MLXIP: variants seen among roughly 807,000 people sequenced by gnomAD.
MLXIP encodes MLX interacting protein, also known as MLX-interacting protein.
A neutral mutation model predicts 87.2 loss-of-function variants in MLXIP; 30 were observed. The observed-to-expected ratio is 0.34, with a 90% CI of 0.26 to 0.47. MLXIP has a LOEUF of 0.47. MLXIP is among the 20% of genes least tolerant of loss of function. MLXIP has a pLI of 1.00. For missense variants in MLXIP, 1,002 were observed against 1,240.1 expected (o/e 0.81, Z 2.88); for synonymous variants, 530 against 514.0 (o/e 1.03, Z -0.42).
intron 1 of MLXIP, among the ~76,000 whole-genome samples, chr12:122,124,796 C>T (rs529925241): frequency 2.6e-5 from 4 of 151,966 alleles, no homozygotes; most frequent in African/African-American, 4.8e-5. Context: ...TTTTGGAGGC[C>T]GAGGTGGGAG....
chr12:122,142,281 G>A lies in MLXIP; in HGVS notation c.*469G>A, dbSNP rs1256278341. 1 of 691,572 alleles carries A rather than the reference G, an allele frequency of 1.4e-6. No homozygotes were observed. The highest frequency in any genetic ancestry group is 2.6e-6 in the Non-Finnish European group (1 of 378,406). 42.8% of individuals were successfully genotyped at this position (691,572 alleles called of 1,614,324 possible). A position where few individuals can be genotyped will look rare whatever the true frequency, so the allele number is the denominator to read the frequency against. On this transcript the variant is annotated 3_prime_UTR_variant, in exon 17 of 17. Transcript: ENST00000319080. Reference sequence around the variant, plus strand: ...GCTCCACTCTCTGGTCTGCCCGTGGGGCAGTTGGAAGGCGTCTTTCTTTCT... The same window carrying A: ...GCTCCACTCTCTGGTCTGCCCGTGGAGCAGTTGGAAGGCGTCTTTCTTTCT...
chr12:122,093,348 G>A (rs1299681985), intron 1 of MLXIP, among the ~76,000 whole-genome samples: 1 of 147,650 alleles, frequency 6.8e-6, no homozygotes, highest in Admixed American at 6.7e-5. Flanking sequence ...TGTGTATTGT[G>A]TGTGTTGGTG....
chr12:122,134,207 T>TG, intron 9 of MLXIP: 1 of 586,814 alleles, frequency 1.7e-6, no homozygotes, highest in Non-Finnish European at 2.7e-6. Flanking sequence ...TTTGTTTGGT[T>TG]TTTTTTTTTT....
intron 1 of MLXIP, among the ~76,000 whole-genome samples, chr12:122,121,735 T>C (rs2135959410): frequency 6.6e-6 from 1 of 152,292 alleles, no homozygotes; most frequent in Admixed American, 6.5e-5. Context: ...TGCAATTTAA[T>C]TTCCTTCCAT....
chr12:122,127,487 A>G lies in MLXIP; in HGVS notation c.520+125A>G, dbSNP rs1038196390. The stretch of plus-strand genomic sequence containing the variant: ...TCTAACAGAAGTTCAGTCTGTGCAG[A>G]CAGGAAACCCAAGCCATCAGGCCCA... On this transcript the variant is annotated intron_variant, in intron 2 of 16. Coordinates refer to ENST00000319080, the MANE Select transcript of MLXIP (RefSeq NM_014938.6). 1.4e-5 allele frequency: 10 copies of G among 699,994 alleles called. No homozygotes were observed. The African/African-American group carries it at 1.8e-4, about 13-fold the overall frequency. The allele number at this position is 699,994 out of a possible 1,614,324, so 43.4% of individuals were successfully genotyped here.
At position 122,146,246 on chromosome 12, in the gene MLXIP, CAG is replaced by C. The variant is rs1449510039; in HGVS notation, c.*4435_*4436del. On this transcript the variant is annotated 3_prime_UTR_variant, in exon 17 of 17. Transcript: ENST00000319080. The stretch of plus-strand genomic sequence containing the variant: ...ATTTTTACCTTGTCTGCACACTTGT[CAG>C]GGGAGAGGGGACAGCAAGGTGGGAG... The C allele has an allele frequency of 1.3e-5, 2 of 152,350 alleles. No individual in the cohort carries two copies. Among genetic ancestry groups the C allele is most frequent in the African/African-American group, 4.8e-5 (2 of 41,448 alleles). The allele number at this position is 152,350 out of a possible 1,614,324, so 9.4% of individuals were successfully genotyped here.
intron 1 of MLXIP, among the ~76,000 whole-genome samples, chr12:122,107,412 C>T (rs1325293867): frequency 6.6e-6 from 1 of 152,194 alleles, no homozygotes; most frequent in Non-Finnish European, 1.5e-5. Context: ...CGTTCCCCCT[C>T]TTCCCATCCA....
chr12:122,119,811 G>A (rs1233292138), intron 1 of MLXIP, among the ~76,000 whole-genome samples: 2 of 152,242 alleles, frequency 1.3e-5, no homozygotes, highest in Non-Finnish European at 2.9e-5. Context: ...CATGTGAGGT[G>A]GATCTGTCGA....
intron 3 of MLXIP, 52 bp downstream of exon 3, chr12:122,128,020 A>G: frequency 6.7e-7 from 1 of 1,496,414 alleles, no homozygotes; most frequent in Non-Finnish European, 9.3e-7. Context: ...CCAGCACCTC[A>G]CCGGGAGTGG....
intron 11 of MLXIP, chr12:122,136,651 G>C (rs1256134807): frequency 6.6e-6 from 1 of 152,106 alleles, no homozygotes; most frequent in Admixed American, 6.6e-5. Flanking sequence ...GCATGGTGTA[G>C]CTGCTCCTGG....
chr12:122,111,247 G>A (rs1399653636), intron 1 of MLXIP, among the ~76,000 whole-genome samples: 2 of 152,050 alleles, frequency 1.3e-5, no homozygotes, highest in Non-Finnish European at 2.9e-5. Context: ...TTTGTTTTTT[G>A]TCAGTCTTCA....
intron 1 of MLXIP, among the ~76,000 whole-genome samples, chr12:122,113,786 G>A (rs1952642635): frequency 6.7e-6 from 1 of 148,768 alleles, no homozygotes; most frequent in Non-Finnish European, 1.5e-5. Flanking sequence ...CCAGGTTCAT[G>A]CCATTCTCCT....
At chr12:122,141,596 TG>T in intron 16 of MLXIP, 94 bp from the exon 17 acceptor site, 1 of 1,544,706 alleles carries the variant, frequency 6.5e-7, no homozygotes. Flanking sequence ...GCCCCGTGCC[TG>T]AGCATTCCCA....
intron 1 of MLXIP, among the ~76,000 whole-genome samples, chr12:122,091,369 A>G (rs1952242755): frequency 6.6e-6 from 1 of 152,058 alleles, no homozygotes; most frequent in Non-Finnish European, 1.5e-5. Context: ...CTTGCACCAG[A>G]GCTTGCCAAA....
chr12:122,082,986 A>G (rs186399434), intron 1 of MLXIP, among the ~76,000 whole-genome samples: 1 of 152,070 alleles, frequency 6.6e-6, no homozygotes, highest in Non-Finnish European at 1.5e-5. Flanking sequence ...ATGCCTGGCT[A>G]ATTTTTTATT....
Position 122,089,431 on chromosome 12 carries a change from G to A in MLXIP, c.413+10165G>A, listed in dbSNP as rs762307763. Among the ~76,000 whole-genome samples the A allele has an allele frequency of 1.5e-3, 221 of 152,308 alleles. 1 individual carries two copies. Among genetic ancestry groups the A allele is most frequent in the Non-Finnish European group, 2.6e-3 (179 of 68,028 alleles). On this transcript the variant is annotated intron_variant, in intron 1 of 16. Coordinates refer to ENST00000319080, the MANE Select transcript of MLXIP (RefSeq NM_014938.6). The stretch of plus-strand genomic sequence containing the variant: ...TCCTAGCTTGGTGTTTTAAACAACT[G>A]TTTTCTAGTTGAGTAGCAGGGTCTT...
chr12:122,135,904 G>T lies in MLXIP; in HGVS notation c.2032+238G>T. 1 of 499,558 alleles carries T rather than the reference G, an allele frequency of 2.0e-6. No homozygotes were observed. The highest frequency in any genetic ancestry group is 3.5e-6 in the Non-Finnish European group (1 of 289,146). 30.9% of individuals were successfully genotyped at this position (499,558 alleles called of 1,614,324 possible). A position where few individuals can be genotyped will look rare whatever the true frequency, so the allele number is the denominator to read the frequency against. ...GAACATGTGGCAGTGTAGGTGACCC[G>T]TGTGCTCGGGGAGTCCCTGCTGACT... On this transcript the variant is annotated intron_variant, in intron 11 of 16. Coordinates refer to ENST00000319080, the MANE Select transcript of MLXIP (RefSeq NM_014938.6). The surrounding 1 kb of genome is among the most constrained non-coding windows in gnomAD (Gnocchi z 5.3).
chr12:122,083,027 T>G (rs1477792534), intron 1 of MLXIP, among the ~76,000 whole-genome samples: 1 of 152,160 alleles, frequency 6.6e-6, no homozygotes, highest in Non-Finnish European at 1.5e-5. Flanking sequence ...GCTATGCTTC[T>G]CAGGATGGTC....
At position 122,138,452 on chromosome 12, in the gene MLXIP, C is replaced by T; in HGVS notation, c.2285C>T (p.Thr762Ile). 3.7e-6 allele frequency: 6 copies of T among 1,613,932 alleles called. No individual in the cohort carries two copies. Among genetic ancestry groups the T allele is most frequent in the Non-Finnish European group, 5.1e-6 (6 of 1,179,898 alleles). The stretch of plus-strand genomic sequence containing the variant: ...AGTCACGCCATCACACTGCAGAAGA[C>T]TGTGGAGTACATCACCAAGCTGCAG... ...LTSHAITLQK[T>I]VEYITKLQQE... The change falls in exon 14 of 17, where the codon ACT becomes ATT. Residue 762 changes from threonine (T) to isoleucine (I), a missense_variant. Transcript: ENST00000319080.
Sources: gnomAD v4.1 joint callset for allele counts (sites outside exome capture counted in the v4.1 genomes callset) on GRCh38, gnomAD v4.1.1 for gene constraint, Gnocchi (gnomAD v3.1) non-coding constraint, MANE v1.5 for transcripts, NCBI Gene and HGNC (gene_info 2026-07-23, HGNC 2026-07-21) for gene names.